The following TXLNB variants were observed in gnomAD, a reference collection of about 807,000 sequenced individuals.
TXLNB encodes the protein beta-taxilin.
In TXLNB, 37 loss-of-function variants were observed where a neutral mutation model predicts 57.4. That is an observed-to-expected ratio of 0.64 (90% CI 0.50 to 0.85). The LOEUF is 0.85. Among genes scored for constraint, TXLNB ranks in the 40% least tolerant of loss-of-function variants. TXLNB has a pLI of 0.00. For missense variants in TXLNB, 848 were observed against 825.6 expected, an observed-to-expected ratio of 1.03 and a Z score of -0.33; for synonymous variants, 302 against 309.6, an observed-to-expected ratio of 0.98 and a Z score of 0.26.
chr6:139,283,267 T>C (rs1478005881), intron 2 of TXLNB: 5 of 122,588 alleles, frequency 4.1e-5, no homozygotes, highest in Admixed American at 3.8e-4. Flanking sequence ...TTCAAGGTGT[T>C]CTGTAAAAAA....
At chr6:139,219,635 G>A in the TXLNB span, among the ~76,000 whole-genome samples, 1 of 152,190 alleles carries the variant, frequency 6.6e-6, no homozygotes, top group African/African-American at 2.4e-5. Context: ...AGCAGGTTAG[G>A]AGTCAGTTAT....
chr6:139,175,546 T>A, the TXLNB span, among the ~76,000 whole-genome samples: 1 of 152,216 alleles, frequency 6.6e-6, no homozygotes, highest in Non-Finnish European at 1.5e-5. Context: ...GAGGATTATC[T>A]TTTAAATTGA....
At chr6:139,236,148 GTACACT>G (rs1562266383), downstream of TXLNB, among the ~76,000 whole-genome samples, 1 of 152,056 alleles carries the variant, frequency 6.6e-6, no homozygotes, top group African/African-American at 2.4e-5. Context: ...AATTTTTCTG[GTACACT>G]AAGGTAAGAA....
the TXLNB span, among the ~76,000 whole-genome samples, chr6:139,171,674 C>T: frequency 6.6e-6 from 1 of 152,012 alleles, no homozygotes; most frequent in Admixed American, 6.6e-5. Flanking sequence ...CCCTGGCTGG[C>T]TGGAAAGCAG....
the TXLNB span, among the ~76,000 whole-genome samples, chr6:139,159,684 T>C: frequency 6.6e-6 from 1 of 152,192 alleles, no homozygotes; most frequent in African/African-American, 2.4e-5. Flanking sequence ...GGACTGAGTC[T>C]GGTTGGGTCA....
At chr6:139,277,130 G>C in intron 2 of TXLNB, 1 of 493,700 alleles carries the variant, frequency 2.0e-6, no homozygotes, top group Non-Finnish European at 3.5e-6. Flanking sequence ...GTGGTACGGT[G>C]TGAGGTTCAT....
At chr6:139,179,484 T>C in the TXLNB span, 1 of 152,194 alleles carries the variant, frequency 6.6e-6, no homozygotes, top group African/African-American at 2.4e-5. Context: ...TTTACTGTAA[T>C]TGGGTAAAGT....
the TXLNB span, among the ~76,000 whole-genome samples, chr6:139,316,744 T>C: frequency 1.3e-5 from 2 of 152,194 alleles, no homozygotes; most frequent in Non-Finnish European, 2.9e-5. Context: ...CTGCTGCAAT[T>C]AATGGTACAA....
the TXLNB span, chr6:139,166,634 GAGA>G: frequency 1.2e-6 from 2 of 1,614,170 alleles, no homozygotes; most frequent in Non-Finnish European, 1.7e-6. Flanking sequence ...GTCTGGCTCC[GAGA>G]AGAACACAGG....
At chr6:139,250,357 C>CTTTT (rs61441759) in intron 7 of TXLNB, among the ~76,000 whole-genome samples, 47 of 118,852 alleles carry the variant, frequency 4.0e-4, no homozygotes, top group African/African-American at 4.6e-4. Flanking sequence ...TTCTTTCTTT[C>CTTTT]TTTTTTTTTT....
chr6:139,182,321 A>C, the TXLNB span, among the ~76,000 whole-genome samples: 1 of 152,222 alleles, frequency 6.6e-6, no homozygotes, highest in Non-Finnish European at 1.5e-5. Context: ...GATTTCTACC[A>C]ATGTAATTTA....
At chr6:139,170,012 A>C in the TXLNB span, 1 of 152,142 alleles carries the variant, frequency 6.6e-6, no homozygotes, top group Admixed American at 6.5e-5. Context: ...CCCTCAGTCT[A>C]CTTTCTGACT....
At position 139,290,633 on chromosome 6, in the gene TXLNB, G is replaced by A. The variant is rs76660170; in HGVS notation, c.-15+1288C>T. ...GGGCCCTTAGGAAAGGGTGAGAGAT[G>A]GTACTGAGTCAGAGATTCCAGGGTT... is the stretch of plus-strand genomic sequence containing the variant. On this transcript the variant is annotated intron_variant, in intron 1 of 9. Coordinates refer to ENST00000358430, the MANE Select transcript of TXLNB (RefSeq NM_153235.4). Among the ~76,000 whole-genome samples, 1,588 of 152,176 alleles carry A rather than the reference G, an allele frequency of 0.01. 61 individuals are homozygous for A. The East Asian group carries it at 0.11, about 11-fold the overall frequency.
At chr6:139,290,622 G>C (rs545789632) in intron 1 of TXLNB, among the ~76,000 whole-genome samples, 2 of 152,150 alleles carry the variant, frequency 1.3e-5, no homozygotes, top group Non-Finnish European at 2.9e-5. Context: ...CCTTAGGAAA[G>C]GGTGAGAGAT....
chr6:139,160,995 CTT>C, the TXLNB span, among the ~76,000 whole-genome samples: 1 of 152,136 alleles, frequency 6.6e-6, no homozygotes. Flanking sequence ...AGACACCTCT[CTT>C]CTGTTATTCC....
At chr6:139,173,936 C>T in the TXLNB span, among the ~76,000 whole-genome samples, 2 of 152,152 alleles carry the variant, frequency 1.3e-5, no homozygotes, top group Non-Finnish European at 2.9e-5. Context: ...GTCCCCAAGA[C>T]AGACTTTTGA....
At chr6:139,216,693 G>T in the TXLNB span, among the ~76,000 whole-genome samples, 1 of 152,182 alleles carries the variant, frequency 6.6e-6, no homozygotes, top group Admixed American at 6.5e-5. Context: ...CCATAAAATG[G>T]AACGGAATAA....
the TXLNB span, among the ~76,000 whole-genome samples, chr6:139,185,062 G>A: frequency 6.6e-6 from 1 of 152,170 alleles, no homozygotes; most frequent in African/African-American, 2.4e-5. Flanking sequence ...TGATTGATGA[G>A]GGAAGTAAAG....
the TXLNB span, among the ~76,000 whole-genome samples, chr6:139,319,744 G>A: frequency 5.9e-4 from 90 of 152,174 alleles, 1 homozygote; most frequent in East Asian, 0.015. Context: ...CAGCCTGGGT[G>A]GCAGAGTGAG....
Sources: gnomAD v4.1 joint callset for allele counts (sites outside exome capture counted in the v4.1 genomes callset) on GRCh38, gnomAD v4.1.1 for gene constraint, MANE v1.5 for transcripts, NCBI Gene and HGNC (gene_info 2026-07-23, HGNC 2026-07-21) for gene names.